Variants in SYN3 observed in about 807,000 individuals in gnomAD.
The protein encoded by SYN3 is synapsin-3.
Under a neutral mutation model 65.8 loss-of-function variants are expected in SYN3, and 35 were observed. The observed-to-expected ratio is 0.53, with a 90% CI of 0.41 to 0.70. The LOEUF (loss-of-function observed/expected upper bound fraction) is 0.70. SYN3 is among the 30% of genes least tolerant of loss of function. The pLI is 0.00. For synonymous variants in SYN3, 270 were observed against 292.9 expected (o/e 0.92, Z 0.80); for missense variants, 680 against 749.0 (o/e 0.91, Z 1.08).
intron 7 of SYN3, among the ~76,000 whole-genome samples, chr22:32,586,116 A>G (rs543772562): frequency 2.0e-5 from 3 of 150,498 alleles, no homozygotes; most frequent in African/African-American, 7.3e-5. Flanking sequence ...ATGTATATGT[A>G]TATATGTATA....
chr22:32,851,890 C>A (rs1017033352), intron 6 of SYN3, among the ~76,000 whole-genome samples: 1 of 152,166 alleles, frequency 6.6e-6, no homozygotes, highest in African/African-American at 2.4e-5. Context: ...TAGGTACCAG[C>A]CTGCAAGTCA....
intron 3 of SYN3, among the ~76,000 whole-genome samples, chr22:32,967,145 G>C (rs2051871508): frequency 6.6e-6 from 1 of 152,128 alleles, no homozygotes; most frequent in Non-Finnish European, 1.5e-5. Flanking sequence ...GTAAGCATGT[G>C]ATTAGATACT....
Position 32,930,952 on chromosome 22 carries a change from G to A in SYN3, c.461+438C>T, listed in dbSNP as rs369616063. ...CTATGAACACTTAGTCTGCCATATTGCAGGAAGTTGAATTTCATTTATTCT... is the reference window on the plus strand; with the variant it reads ...CTATGAACACTTAGTCTGCCATATTACAGGAAGTTGAATTTCATTTATTCT... On this transcript the variant is annotated intron_variant, in intron 4 of 13. Coordinates refer to ENST00000358763, the MANE Select transcript of SYN3 (RefSeq NM_003490.4). 1.6e-4 allele frequency: 25 copies of A among 155,682 alleles called. No individual in the cohort carries two copies. The East Asian group carries it at 2.2e-3, about 14-fold the overall frequency. The allele number at this position is 155,682 out of a possible 1,614,324, so 9.6% of individuals were successfully genotyped here. A position where few individuals can be genotyped will look rare whatever the true frequency, so the allele number is the denominator to read the frequency against.
chr22:33,000,691 G>A (rs1260819972), intron 2 of SYN3, among the ~76,000 whole-genome samples: 6 of 152,238 alleles, frequency 3.9e-5, no homozygotes, highest in African/African-American at 1.4e-4. Flanking sequence ...TGTCCAGACT[G>A]CAGCTCCTCT....
intron 7 of SYN3, among the ~76,000 whole-genome samples, chr22:32,555,274 C>T (rs2058477409): frequency 6.6e-6 from 1 of 152,186 alleles, no homozygotes; most frequent in Non-Finnish European, 1.5e-5. Flanking sequence ...GGGAATAATG[C>T]TTGAAGAGGG....
At chr22:32,907,515 G>T (rs137537) in intron 4 of SYN3, among the ~76,000 whole-genome samples, 111,177 of 152,068 alleles carry the variant, frequency 0.73, 41,267 homozygotes, top group Non-Finnish European at 0.8. Flanking sequence ...CTAAGCTCTG[G>T]CCAGGCTGGG....
intron 6 of SYN3, among the ~76,000 whole-genome samples, chr22:32,601,940 TTTTC>T (rs368377528): frequency 6.6e-5 from 10 of 150,720 alleles, no homozygotes; most frequent in African/African-American, 1.5e-4. Flanking sequence ...TTTTCTTTTC[TTTTC>T]TTTTTTTTTT....
intron 6 of SYN3, among the ~76,000 whole-genome samples, chr22:32,788,900 G>A (rs1395216930): frequency 6.6e-6 from 1 of 152,166 alleles, no homozygotes; most frequent in Non-Finnish European, 1.5e-5. Context: ...ACCTGCCTGG[G>A]GAAAGGGGAG....
At chr22:32,918,973 C>T (rs9621599) in intron 4 of SYN3, among the ~76,000 whole-genome samples, 8,876 of 152,272 alleles carry the variant, frequency 0.058, 839 homozygotes, top group African/African-American at 0.2. Flanking sequence ...AGGCCGCCTA[C>T]CTGGGCTAGT....
intron 6 of SYN3, among the ~76,000 whole-genome samples, chr22:32,777,569 C>A (rs993045822): frequency 1.3e-5 from 2 of 152,160 alleles, no homozygotes; most frequent in African/African-American, 4.8e-5. Context: ...CCATCCATCC[C>A]TCATTCACTG....
chr22:32,729,349 T>G (rs1299619625), intron 6 of SYN3, among the ~76,000 whole-genome samples: 1 of 152,222 alleles, frequency 6.6e-6, no homozygotes, highest in African/African-American at 2.4e-5. Context: ...GACAGTTGAC[T>G]CCATGTGGAT....
chr22:32,790,726 CAA>C (rs2046307651), intron 6 of SYN3, among the ~76,000 whole-genome samples: 1 of 151,908 alleles, frequency 6.6e-6, no homozygotes, highest in Non-Finnish European at 1.5e-5. Flanking sequence ...TGTGCCCAGC[CAA>C]AATTTTAAAT....
chr22:32,587,232 A>C (rs1417836605), intron 7 of SYN3, among the ~76,000 whole-genome samples: 1 of 150,666 alleles, frequency 6.6e-6, no homozygotes, highest in Non-Finnish European at 1.5e-5. Context: ...CAAAAAAAAA[A>C]AAAAAAAAAA....
chr22:32,919,796 G>A (rs2050287765), intron 4 of SYN3, among the ~76,000 whole-genome samples: 1 of 152,190 alleles, frequency 6.6e-6, no homozygotes, highest in Non-Finnish European at 1.5e-5. Flanking sequence ...GCTCATTGTG[G>A]CTCAGGGGCT....
intron 2 of SYN3, among the ~76,000 whole-genome samples, chr22:32,993,509 C>A (rs557874792): frequency 5.8e-4 from 89 of 152,238 alleles, no homozygotes; most frequent in African/African-American, 1.9e-3. Flanking sequence ...CCACGCCCTG[C>A]TAATTTTTGT....
chr22:32,908,103 TG>T (rs1862930311), intron 4 of SYN3, among the ~76,000 whole-genome samples: 1 of 151,838 alleles, frequency 6.6e-6, no homozygotes, highest in Non-Finnish European at 1.5e-5. Context: ...TTTTTTTTTT[TG>T]AGACAGAGTC....
At chr22:32,593,879 G>A (rs529258367) in intron 7 of SYN3, among the ~76,000 whole-genome samples, 2 of 152,216 alleles carry the variant, frequency 1.3e-5, no homozygotes, top group East Asian at 3.9e-4. Flanking sequence ...AAAAGTTCTT[G>A]AAGGAGAACA....
chr22:32,776,758 T>C (rs951338674), intron 6 of SYN3, among the ~76,000 whole-genome samples: 2 of 152,194 alleles, frequency 1.3e-5, no homozygotes, highest in African/African-American at 4.8e-5. Flanking sequence ...AAAAGCATTT[T>C]GTAAACTGTA....
At chr22:32,716,175 A>C (rs1211457677) in intron 6 of SYN3, among the ~76,000 whole-genome samples, 1 of 152,136 alleles carries the variant, frequency 6.6e-6, no homozygotes. Context: ...TCCCTGAAGC[A>C]GTTGGTGTAC....
Sources: allele counts gnomAD v4.1 joint callset (sites outside exome capture counted in the v4.1 genomes callset), GRCh38; gene constraint gnomAD v4.1.1; transcripts MANE v1.5; gene names NCBI Gene and HGNC (gene_info 2026-07-23, HGNC 2026-07-21).